SPAG17: variants seen among roughly 807,000 people sequenced by gnomAD.
SPAG17 encodes the protein sperm-associated antigen 17.
SPAG17 carries 169 observed loss-of-function variants against 273.6 expected under a neutral mutation model. The ratio of observed to expected loss-of-function variants is 0.62; its 90% CI spans 0.55 to 0.70. The LOEUF (loss-of-function observed/expected upper bound fraction) is 0.70, where lower values mean the gene tolerates loss of function less well. SPAG17 is among the 30% of genes least tolerant of loss of function. The pLI, the probability that SPAG17 is intolerant of heterozygous loss-of-function variation, is 0.00. For missense variants in SPAG17, 2,557 were observed against 2,627.8 expected, an observed-to-expected ratio of 0.97 and a Z score of 0.59; for synonymous variants, 825 against 873.2, an observed-to-expected ratio of 0.94 and a Z score of 0.97.
chr1:118,181,841 C>T (rs1660964725), intron 1 of SPAG17, among the ~76,000 whole-genome samples: 1 of 152,158 alleles, frequency 6.6e-6, no homozygotes, highest in African/African-American at 2.4e-5. Context: ...TAAATCTGGG[C>T]ACAGTGGCTT....
In SPAG17 at chr1:118,148,368, T is replaced by C. The variant is rs112285067; in HGVS notation, c.315+2175A>G. On this transcript the variant is annotated intron_variant, in intron 3 of 48. Transcript: ENST00000336338. ...TTGTCACAAAGAGCGAAAAAACAAA[T>C]CCTCCACACTCGGCAAGGGTACACG... 5.1e-3 allele frequency among the ~76,000 whole-genome samples: 780 copies of C among 152,050 alleles called. 11 individuals are homozygous for C. Among genetic ancestry groups the C allele is most frequent in the African/African-American group, 0.017 (719 of 41,492 alleles).
chr1:117,995,680 G>GA (rs1409339883), intron 34 of SPAG17, among the ~76,000 whole-genome samples: 1 of 139,396 alleles, frequency 7.2e-6, no homozygotes, highest in Non-Finnish European at 1.5e-5. Flanking sequence ...CCAAAACACA[G>GA]AAAAAAGATG....
intron 13 of SPAG17, among the ~76,000 whole-genome samples, chr1:118,084,595 C>A (rs1654842767): frequency 6.6e-6 from 1 of 152,190 alleles, no homozygotes; most frequent in Non-Finnish European, 1.5e-5. Flanking sequence ...TAAAATGGCT[C>A]TTCCTGCTGT....
At chr1:118,157,192 A>G (rs949311234) in intron 1 of SPAG17, among the ~76,000 whole-genome samples, 16 of 152,338 alleles carry the variant, frequency 1.1e-4, no homozygotes, top group Middle Eastern at 3.4e-3. Context: ...CTGCCATCCC[A>G]GGAAGAGCTG....
intron 3 of SPAG17, among the ~76,000 whole-genome samples, chr1:118,135,965 C>T (rs1007282816): frequency 5.3e-5 from 8 of 152,138 alleles, no homozygotes; most frequent in East Asian, 3.9e-4. Flanking sequence ...GGTTCCATTG[C>T]GAGGTACTGT....
chr1:118,062,366 C>CAAAAAAAAAAAAAAAAAA (rs56029752), intron 18 of SPAG17, among the ~76,000 whole-genome samples: 3 of 46,410 alleles, frequency 6.5e-5, no homozygotes, highest in African/African-American at 3.3e-4. Flanking sequence ...GACTCCATCT[C>CAAAAAAAAAAAAAAAAAA]AAAAAAAAAA....
At chr1:117,962,080 T>C (rs1653172888) in intron 48 of SPAG17, 2 of 151,804 alleles carry the variant, frequency 1.3e-5, no homozygotes, top group South Asian at 4.2e-4. Flanking sequence ...ACTCTTATGT[T>C]AAAAGTTGCT....
chr1:118,079,096 A>T (rs1463713603), intron 15 of SPAG17, among the ~76,000 whole-genome samples: 1 of 152,104 alleles, frequency 6.6e-6, no homozygotes, highest in Non-Finnish European at 1.5e-5. Flanking sequence ...AAATGAATAG[A>T]GGAGGATATG....
intron 3 of SPAG17, among the ~76,000 whole-genome samples, chr1:118,134,199 G>A (rs1262623448): frequency 1.3e-5 from 2 of 152,096 alleles, no homozygotes; most frequent in African/African-American, 2.4e-5. Context: ...TTGGTAAACA[G>A]TCTAAATTTA....
intron 15 of SPAG17, 97 bp from the exon 16 acceptor site, chr1:118,074,697 T>C (rs1653930405): frequency 8.9e-7 from 1 of 1,125,246 alleles, no homozygotes; most frequent in African/African-American, 1.5e-5. Flanking sequence ...TGATCTATGT[T>C]TCTGTGCTGA....
intron 16 of SPAG17, 96 bp downstream of exon 16, chr1:118,074,443 G>A: frequency 9.8e-7 from 1 of 1,021,704 alleles, no homozygotes; most frequent in Non-Finnish European, 1.5e-6. Flanking sequence ...CTCCTTCTAA[G>A]TATCTTCTTT....
chr1:117,990,864 C>T lies in SPAG17; in HGVS notation c.5518G>A (p.Glu1840Lys), dbSNP rs1203663067. The T allele has an allele frequency of 1.3e-6, 2 of 1,569,018 alleles. No individual in the cohort carries two copies. Among genetic ancestry groups the T allele is most frequent in the Middle Eastern group, 1.7e-4 (1 of 5,976 alleles). The stretch of plus-strand genomic sequence containing the variant: ...AAGAATATTAAATGCAACTTACCTT[C>T]AGTAACATGACTTTTTGTAGTTTCC... ...MEETTKSHVT[E>K]VAAHLTDLFK... Residue 1840 changes from glutamate to lysine, a missense_variant, in exon 38 of 49, where the codon GAA becomes AAA. By Grantham distance (56) the Glu-to-Lys change is moderately conservative. Coordinates refer to ENST00000336338, the MANE Select transcript of SPAG17 (RefSeq NM_206996.4).
chr1:118,001,233 T>C (rs1459567807), intron 32 of SPAG17, among the ~76,000 whole-genome samples: 1 of 152,228 alleles, frequency 6.6e-6, no homozygotes, highest in Non-Finnish European at 1.5e-5. Context: ...CAGTATTTTA[T>C]TGAAGATTTC....
intron 4 of SPAG17, among the ~76,000 whole-genome samples, chr1:118,111,296 T>C (rs182104229): frequency 7.9e-5 from 12 of 152,226 alleles, no homozygotes; most frequent in East Asian, 7.7e-4. Flanking sequence ...TCCTGAATTG[T>C]TGGCTTTTGA....
chr1:118,049,063 T>G (rs1650698497), intron 20 of SPAG17, among the ~76,000 whole-genome samples: 1 of 152,074 alleles, frequency 6.6e-6, no homozygotes, highest in Non-Finnish European at 1.5e-5. Context: ...AAATAACAAC[T>G]GAGAGACTGA....
chr1:117,972,973 T>C (rs1016481462), intron 44 of SPAG17, among the ~76,000 whole-genome samples: 2 of 152,208 alleles, frequency 1.3e-5, no homozygotes, highest in Admixed American at 6.5e-5. Context: ...CTTATCCTCA[T>C]GCTAAGTCAT....
intron 20 of SPAG17, among the ~76,000 whole-genome samples, chr1:118,049,453 C>G (rs1245823459): frequency 6.6e-6 from 1 of 152,046 alleles, no homozygotes; most frequent in Non-Finnish European, 1.5e-5. Context: ...TGCCATATTA[C>G]AGAATGAAAG....
chr1:118,183,130 G>A (rs1661022833), intron 1 of SPAG17, among the ~76,000 whole-genome samples: 1 of 152,098 alleles, frequency 6.6e-6, no homozygotes, highest in Non-Finnish European at 1.5e-5. Context: ...GTTTATGGAA[G>A]ACTGGAGGAA....
chr1:118,099,890 T>G (rs1448936053), intron 5 of SPAG17, 90 bp from the exon 6 acceptor site: 1 of 1,108,444 alleles, frequency 9.0e-7, no homozygotes. Flanking sequence ...ACATTATGCA[T>G]GCATTTATAA....
Sources: gnomAD v4.1 joint callset for allele counts (sites outside exome capture counted in the v4.1 genomes callset) on GRCh38, gnomAD v4.1.1 for gene constraint, MANE v1.5 for transcripts, NCBI Gene and HGNC (gene_info 2026-07-23, HGNC 2026-07-21) for gene names.